Variants in TRAPPC2 observed in about 807,000 individuals in gnomAD.
TRAPPC2 encodes sedlin.
Under a neutral mutation model 10.0 loss-of-function variants are expected in TRAPPC2, and 4 were observed. The ratio of observed to expected loss-of-function variants is 0.40; its 90% CI spans 0.20 to 0.92. The LOEUF (loss-of-function observed/expected upper bound fraction) is 0.92, where lower values mean the gene tolerates loss of function less well. TRAPPC2 is among the 40% of genes least tolerant of loss of function. The probability of loss-of-function intolerance (pLI) is 0.35; values close to 1 mark genes in which losing one functional copy is unlikely to be tolerated. For missense variants in TRAPPC2, 52 were observed against 108.7 expected (o/e 0.48, Z 2.32); for synonymous variants, 36 against 37.3 (o/e 0.97, Z 0.12).
chrX:13,716,421 T>C, intron 4 of TRAPPC2, 113 bp downstream of exon 4: 1 of 973,569 alleles, frequency 1.0e-6, no homozygotes, highest in Non-Finnish European at 1.4e-6. Context: ...AAACTTACAT[T>C]TTCACCTGAC....
chrX:13,725,466 G>T (rs970818889), intron 2 of TRAPPC2, among the ~76,000 whole-genome samples: 1 of 112,331 alleles, frequency 8.9e-6, no homozygotes, highest in South Asian at 3.7e-4. Flanking sequence ...GGCAAACGGG[G>T]TCTGGAGTGG....
intron 3 of TRAPPC2, among the ~76,000 whole-genome samples, chrX:13,718,168 G>A (rs1366061126): frequency 8.9e-6 from 1 of 112,846 alleles, no homozygotes; most frequent in Admixed American, 9.3e-5. Flanking sequence ...TCAGTTTTTC[G>A]TACTTTGTTA....
At chrX:13,731,044 TA>T (rs1317575547) in intron 2 of TRAPPC2, among the ~76,000 whole-genome samples, 1 of 111,757 alleles carries the variant, frequency 8.9e-6, no homozygotes, top group African/African-American at 3.3e-5. Context: ...TGTGCACATG[TA>T]CCCTAGAACT....
intron 2 of TRAPPC2, among the ~76,000 whole-genome samples, chrX:13,723,357 G>C (rs1312819119): frequency 4.6e-5 from 5 of 108,677 alleles, no homozygotes; most frequent in African/African-American, 1.7e-4. Flanking sequence ...TAGTAGAGAC[G>C]GGGATTCACC....
intron 4 of TRAPPC2, 131 bp from the exon 5 acceptor site, chrX:13,716,220 T>G: frequency 1.3e-6 from 1 of 745,790 alleles, no homozygotes; most frequent in Non-Finnish European, 1.9e-6. Context: ...TAAACTGGGT[T>G]TAAAATTAGC....
In TRAPPC2 at chrX:13,734,613, G is replaced by A; in HGVS notation, c.-250C>T. ...AACCTGTAGCCAGAACGCCGAAGCAGTTCTCGCGATACCCTGGGATGTGCT... is the reference window on the plus strand; with the variant it reads ...AACCTGTAGCCAGAACGCCGAAGCAATTCTCGCGATACCCTGGGATGTGCT... On this transcript the variant is annotated 5_prime_UTR_variant, in exon 1 of 6. Transcript: ENST00000380579. 3.8e-6 allele frequency: 3 copies of A among 791,803 alleles called. No homozygotes were observed. Among genetic ancestry groups the A allele is most frequent in the African/African-American group, 4.3e-5 (2 of 46,564 alleles). The allele number at this position is 791,803 out of a possible 1,213,427, so 65.3% of individuals were successfully genotyped here.
At chrX:13,722,208 C>CCAAAAAAAAAAAAAAAAAAA (rs1555898002) in intron 2 of TRAPPC2, 2 of 36,116 alleles carry the variant, frequency 5.5e-5, no homozygotes, top group African/African-American at 1.2e-4. Context: ...TAAGCAGCAG[C>CCAAAAAAAAAAAAAAAAAAA]AAAAAAAAAA....
At chrX:13,716,497 C>G in intron 4 of TRAPPC2, 37 bp downstream of exon 4, 1 of 1,208,457 alleles carries the variant, frequency 8.3e-7, no homozygotes, top group Non-Finnish European at 1.1e-6. Flanking sequence ...TGAGCCCAAA[C>G]TTTAGTTAGT....
At chrX:13,722,907 C>G (rs2046454612) in intron 2 of TRAPPC2, among the ~76,000 whole-genome samples, 1 of 110,243 alleles carries the variant, frequency 9.1e-6, no homozygotes, top group Admixed American at 9.6e-5. Flanking sequence ...ACTAAAAATA[C>G]AAAAAATTAG....
chrX:13,724,617 C>T (rs980870603), intron 2 of TRAPPC2, among the ~76,000 whole-genome samples: 5 of 111,556 alleles, frequency 4.5e-5, no homozygotes, highest in Non-Finnish European at 9.4e-5. Flanking sequence ...ATTAAGAAAA[C>T]GTCTAGGGAT....
intron 2 of TRAPPC2, among the ~76,000 whole-genome samples, chrX:13,724,600 T>C (rs1335630798): frequency 9.0e-6 from 1 of 111,257 alleles, no homozygotes; most frequent in Non-Finnish European, 1.9e-5. Flanking sequence ...AACCTCAAGA[T>C]AGGTATATTA....
At chrX:13,717,057 AAAAAAAAC>A (rs1271684315) in intron 3 of TRAPPC2, among the ~76,000 whole-genome samples, 26 of 105,689 alleles carry the variant, frequency 2.5e-4, no homozygotes, top group African/African-American at 8.9e-4. Flanking sequence ...AAAAAAAAAA[AAAAAAAAC>A]AAGATCCTGT....
intron 2 of TRAPPC2, chrX:13,721,837 T>C: frequency 9.1e-6 from 1 of 110,447 alleles, no homozygotes; most frequent in Non-Finnish European, 1.9e-5. Context: ...CCCATCATTT[T>C]GCGACCATCT....
rs1286354605 is a variant in TRAPPC2, at chrX:13,713,819, A to G, written c.*588T>C. 4 of 110,099 alleles carry G rather than the reference A, an allele frequency of 3.6e-5. No homozygotes were observed. Among genetic ancestry groups the G allele is most frequent in the Non-Finnish European group, 7.6e-5 (4 of 52,718 alleles). The allele number at this position is 110,099 out of a possible 1,213,427, so 9.1% of individuals were successfully genotyped here. Reference sequence around the variant, plus strand: ...AGGAGCAAGACTCCATCTCAAAAAAAAAAAAAGCGAGCTTATTCCCAATTT... The same window carrying G: ...AGGAGCAAGACTCCATCTCAAAAAAGAAAAAAGCGAGCTTATTCCCAATTT... On this transcript the variant is annotated 3_prime_UTR_variant, in exon 6 of 6. Coordinates refer to ENST00000380579, the MANE Select transcript of TRAPPC2 (RefSeq NM_001011658.4).
At chrX:13,726,127 G>C (rs138586109) in intron 2 of TRAPPC2, among the ~76,000 whole-genome samples, 1 of 112,257 alleles carries the variant, frequency 8.9e-6, no homozygotes, top group Non-Finnish European at 1.9e-5. Flanking sequence ...CCAAATCTAC[G>C]TTTGACTGGT....
At chrX:13,727,647 G>T (rs562399634) in intron 2 of TRAPPC2, among the ~76,000 whole-genome samples, 175 of 112,008 alleles carry the variant, frequency 1.6e-3, no homozygotes, top group African/African-American at 5.5e-3. Flanking sequence ...ACAGAAAGCA[G>T]GAAAGATTTA....
At chrX:13,722,208 C>CAGAAAAAA (rs1555898001) in intron 2 of TRAPPC2, 1 of 36,116 alleles carries the variant, frequency 2.8e-5, no homozygotes, top group Non-Finnish European at 5.1e-5. Context: ...TAAGCAGCAG[C>CAGAAAAAA]AAAAAAAAAA....
At chrX:13,733,323 A>G (rs957630883) in intron 2 of TRAPPC2, among the ~76,000 whole-genome samples, 1 of 111,408 alleles carries the variant, frequency 9.0e-6, no homozygotes, top group Admixed American at 9.5e-5. Context: ...TCTCAGCCCT[A>G]TTGTTCCACC....
intron 2 of TRAPPC2, chrX:13,722,208 C>CCAAAAAAAAAA (rs1555898002): frequency 2.8e-5 from 1 of 36,118 alleles, no homozygotes; most frequent in African/African-American, 1.2e-4. Flanking sequence ...TAAGCAGCAG[C>CCAAAAAAAAAA]AAAAAAAAAA....
Sources: allele counts gnomAD v4.1 joint callset (sites outside exome capture counted in the v4.1 genomes callset), GRCh38; gene constraint gnomAD v4.1.1; transcripts MANE v1.5; gene names NCBI Gene and HGNC (gene_info 2026-07-23, HGNC 2026-07-21).